The following NCKAP5 variants were observed in gnomAD, a reference collection of about 807,000 sequenced individuals.
NCKAP5 encodes the protein nck-associated protein 5.
NCKAP5 carries 92 observed loss-of-function variants against 167.0 expected under a neutral mutation model. That is an observed-to-expected ratio of 0.55 (90% CI 0.47 to 0.66). The LOEUF is 0.66. Among genes scored for constraint, NCKAP5 ranks in the 30% least tolerant of loss-of-function variants. The probability of loss-of-function intolerance (pLI) is 0.00; values close to 1 mark genes in which losing one functional copy is unlikely to be tolerated. For synonymous variants in NCKAP5, 891 were observed against 877.4 expected (o/e 1.02, Z -0.27); for missense variants, 2,378 against 2,315.0 (o/e 1.03, Z -0.56).
chr2:132,879,310 G>C (rs559971546), intron 8 of NCKAP5, among the ~76,000 whole-genome samples: 3 of 152,324 alleles, frequency 2.0e-5, no homozygotes, highest in African/African-American at 7.2e-5. Flanking sequence ...TTAGGCCACA[G>C]AAAAGAATCT....
At chr2:133,031,553 T>A (rs935982678) in intron 6 of NCKAP5, among the ~76,000 whole-genome samples, 6 of 151,978 alleles carry the variant, frequency 3.9e-5, no homozygotes, top group African/African-American at 1.5e-4. Flanking sequence ...TTTAGGTGAG[T>A]CCTGGTGCTG....
intron 8 of NCKAP5, among the ~76,000 whole-genome samples, chr2:132,893,943 G>A (rs1692929386): frequency 2.0e-5 from 3 of 152,188 alleles, no homozygotes; most frequent in Admixed American, 1.3e-4. Context: ...CTAGGAGAGG[G>A]CCTGAAGGAA....
chr2:133,321,648 A>G (rs1682062703), intron 3 of NCKAP5, among the ~76,000 whole-genome samples: 1 of 152,204 alleles, frequency 6.6e-6, no homozygotes, highest in Non-Finnish European at 1.5e-5. Flanking sequence ...GCGGGAAATG[A>G]ATGCCTTGCT....
intron 3 of NCKAP5, among the ~76,000 whole-genome samples, chr2:133,447,498 C>T (rs990513639): frequency 1.4e-5 from 2 of 145,108 alleles, no homozygotes; most frequent in South Asian, 2.3e-4. Context: ...CCCTTCTCTT[C>T]CCTTCCTTTC....
chr2:133,444,399 GATAGATAGATAT>G lies in NCKAP5; in HGVS notation c.69+73047_69+73058del, dbSNP rs1356211764. 1.4e-3 allele frequency among the ~76,000 whole-genome samples: 156 copies of G among 115,220 alleles called. 1 individual carries two copies. The highest frequency in any genetic ancestry group is 1.6e-3 in the Non-Finnish European group (89 of 56,482). The allele number at this position is 115,220 out of a possible 152,430, so 75.6% of individuals were successfully genotyped here. A position where few individuals can be genotyped will look rare whatever the true frequency, so the allele number is the denominator to read the frequency against. On this transcript the variant is annotated intron_variant, in intron 3 of 19. Transcript: ENST00000409261. The stretch of plus-strand genomic sequence containing the variant: ...AGATAGATAGATAGATAGATAGATA[GATAGATAGATAT>G]AGATATAGATGTAGATATTTAAAAA...
chr2:133,316,184 C>T (rs11884331), intron 3 of NCKAP5, among the ~76,000 whole-genome samples: 4,334 of 152,240 alleles, frequency 0.028, 195 homozygotes, highest in African/African-American at 0.098. Flanking sequence ...CAAAACAAAC[C>T]AACTGCCACA....
chr2:132,895,226 G>A (rs1442524190), intron 8 of NCKAP5, among the ~76,000 whole-genome samples: 1 of 151,810 alleles, frequency 6.6e-6, no homozygotes, highest in Non-Finnish European at 1.5e-5. Context: ...AGCTACTCTG[G>A]AGGCTGAGGC....
chr2:133,635,883 C>G, the NCKAP5 span, among the ~76,000 whole-genome samples: 1 of 152,154 alleles, frequency 6.6e-6, no homozygotes, highest in Non-Finnish European at 1.5e-5. Context: ...ATGAGCCAAA[C>G]CTTTACCAGG....
intron 4 of NCKAP5, among the ~76,000 whole-genome samples, chr2:133,215,441 A>C (rs138610401): frequency 1.5e-4 from 23 of 152,214 alleles, no homozygotes; most frequent in African/African-American, 5.5e-4. Context: ...AGAATCACAT[A>C]CTCCATACTC....
chr2:132,829,127 G>A (rs547842822), intron 11 of NCKAP5, among the ~76,000 whole-genome samples: 47 of 152,286 alleles, frequency 3.1e-4, no homozygotes, highest in African/African-American at 1.1e-3. Context: ...AATGTCAGTC[G>A]TGTTGTATTT....
chr2:132,714,727 C>T (rs900027576), intron 19 of NCKAP5: 4 of 369,486 alleles, frequency 1.1e-5, no homozygotes, highest in East Asian at 8.0e-5. Flanking sequence ...GCAGGAGAAT[C>T]GCTTGAACCC....
intron 19 of NCKAP5, among the ~76,000 whole-genome samples, chr2:132,714,373 A>C (rs1444626092): frequency 6.6e-6 from 1 of 152,166 alleles, no homozygotes; most frequent in East Asian, 1.9e-4. Flanking sequence ...TTTAATACAT[A>C]ATACTCAGAT....
chr2:132,932,669 G>T (rs1458003077), intron 8 of NCKAP5, among the ~76,000 whole-genome samples: 1 of 152,058 alleles, frequency 6.6e-6, no homozygotes, highest in Admixed American at 6.5e-5. Flanking sequence ...CCTAGAAGGG[G>T]TTTACTTTTT....
intron 5 of NCKAP5, among the ~76,000 whole-genome samples, chr2:133,191,213 C>T (rs562915817): frequency 4.7e-4 from 72 of 152,208 alleles, no homozygotes; most frequent in Admixed American, 1.1e-3. Context: ...CAAATCAAAA[C>T]CACAAAGAGA....
At chr2:133,266,588 C>G (rs1012317936) in intron 4 of NCKAP5, among the ~76,000 whole-genome samples, 3 of 152,142 alleles carry the variant, frequency 2.0e-5, no homozygotes, top group African/African-American at 4.8e-5. Flanking sequence ...GACTCCGCAG[C>G]GCCTTCACTT....
chr2:133,211,007 C>A (rs951190079), intron 5 of NCKAP5, among the ~76,000 whole-genome samples: 1 of 139,568 alleles, frequency 7.2e-6, no homozygotes, highest in Admixed American at 7.4e-5. Flanking sequence ...ACCCCCCCAA[C>A]CCCATCACTT....
At chr2:132,910,089 A>G (rs994519555) in intron 8 of NCKAP5, among the ~76,000 whole-genome samples, 2 of 152,070 alleles carry the variant, frequency 1.3e-5, no homozygotes, top group African/African-American at 2.4e-5. Flanking sequence ...ACCAGCAACC[A>G]TAATATTTTA....
intron 17 of NCKAP5, among the ~76,000 whole-genome samples, chr2:132,730,575 CT>C (rs1415880287): frequency 2.6e-5 from 4 of 152,176 alleles, no homozygotes; most frequent in Non-Finnish European, 5.9e-5. Flanking sequence ...GAAAAATCTC[CT>C]TCTGATCCCT....
At chr2:132,744,006 T>A (rs770124272) in intron 16 of NCKAP5, among the ~76,000 whole-genome samples, 2 of 151,744 alleles carry the variant, frequency 1.3e-5, no homozygotes, top group Non-Finnish European at 3.0e-5. Context: ...ATCCTAAATA[T>A]GTATATCTAT....
Sources: allele counts gnomAD v4.1 joint callset (sites outside exome capture counted in the v4.1 genomes callset), GRCh38; gene constraint gnomAD v4.1.1; transcripts MANE v1.5; gene names NCBI Gene and HGNC (gene_info 2026-07-23, HGNC 2026-07-21).